CSF2RA: variants seen among roughly 807,000 people sequenced by gnomAD.
The protein encoded by CSF2RA is granulocyte-macrophage colony-stimulating factor receptor subunit alpha.
In CSF2RA, 42 loss-of-function variants were observed where a neutral mutation model predicts 51.6. The ratio of observed to expected loss-of-function variants is 0.81; its 90% CI spans 0.64 to 1.05. The LOEUF is 1.05. Ranked by LOEUF, CSF2RA falls within the 50% of genes least tolerant of loss-of-function variation. The pLI, the probability that CSF2RA is intolerant of heterozygous loss-of-function variation, is 0.00. For synonymous variants in CSF2RA, 222 were observed against 193.0 expected (o/e 1.15, Z -1.24); for missense variants, 530 against 501.1 (o/e 1.06, Z -0.55).
intron 2 of CSF2RA, among the ~76,000 whole-genome samples, chrX:1,280,866 C>CTCA (rs2089841753): frequency 1.4e-5 from 2 of 146,890 alleles, no homozygotes; most frequent in Admixed American, 1.4e-4. Context: ...CCTCCTCCTC[C>CTCA]TCCTCCTTCT....
intron 2 of CSF2RA, among the ~76,000 whole-genome samples, chrX:1,280,928 T>TCTCCTCCTCCTCCTCCTTCTC (rs1328073063): frequency 5.1e-5 from 1 of 19,798 alleles, no homozygotes; most frequent in Non-Finnish European, 9.4e-5. Context: ...TCCTCCTCCT[T>TCTCCTCCTCCTCCTCCTTCTC]CTCCTCCTCC....
At chrX:1,269,636 AG>A (rs56785904) in intron 1 of CSF2RA, among the ~76,000 whole-genome samples, 534 of 42,126 alleles carry the variant, frequency 0.013, 24 homozygotes, top group East Asian at 0.12. Context: ...AAAAAGAAAA[AG>A]AAAAAAAAAG....
intron 2 of CSF2RA, among the ~76,000 whole-genome samples, chrX:1,279,662 A>G (rs2089638333): frequency 6.6e-6 from 1 of 152,050 alleles, no homozygotes; most frequent in South Asian, 2.1e-4. Flanking sequence ...TGTGGGCTAC[A>G]GATGAGTTGG....
intron 12 of CSF2RA, chrX:1,306,057 G>A: frequency 2.4e-6 from 1 of 425,288 alleles, no homozygotes; most frequent in Non-Finnish European, 4.4e-6. Flanking sequence ...ACTCCAGCCT[G>A]GGTGACAGAG....
intron 2 of CSF2RA, among the ~76,000 whole-genome samples, chrX:1,278,203 G>A (rs1345818798): frequency 4.1e-5 from 6 of 147,634 alleles, no homozygotes; most frequent in African/African-American, 1.3e-4. Context: ...GCATGGTGGT[G>A]CGTGCCTGTA....
chrX:1,310,119 C>G (rs151035793), downstream of CSF2RA: 1,107 of 272,886 alleles, frequency 4.1e-3, 16 homozygotes, highest in African/African-American at 0.024. Flanking sequence ...CACTTGAGTT[C>G]AAGCTGACAG....
downstream of CSF2RA, among the ~76,000 whole-genome samples, chrX:1,312,967 G>A (rs1465022113): frequency 1.3e-5 from 2 of 152,092 alleles, no homozygotes; most frequent in Admixed American, 6.6e-5. Flanking sequence ...GAAAAAGCGT[G>A]GAATCCTCTG....
chrX:1,307,523 T>TATACCTTC (rs2083724215), intron 12 of CSF2RA, among the ~76,000 whole-genome samples: 8 of 29,600 alleles, frequency 2.7e-4, no homozygotes, highest in African/African-American at 7.9e-4. Flanking sequence ...TTTAGACCTT[T>TATACCTTC]GACTGATTAG....
rs373446293 is a variant in CSF2RA, at chrX:1,287,886, G to A, written c.220-633G>A. 3.4e-3 allele frequency among the ~76,000 whole-genome samples: 408 copies of A among 120,218 alleles called. 32 individuals are homozygous for A. The highest frequency in any genetic ancestry group is 4.5e-3 in the Non-Finnish European group (259 of 56,940). The allele number at this position is 120,218 out of a possible 152,430, so 78.9% of individuals were successfully genotyped here. On this transcript the variant is annotated intron_variant, in intron 4 of 12. Transcript: ENST00000381529. ...CGAGTAGCAGGGATTACAGGTGCCT[G>A]CCACCACACCTGGCTAATTTTTGTA...
In CSF2RA at chrX:1,300,475, C is replaced by G; in HGVS notation, c.811-16C>G. 6.2e-7 allele frequency: 1 copy of G among 1,613,858 alleles called. No individual in the cohort carries two copies. The highest frequency in any genetic ancestry group is 8.5e-7 in the Non-Finnish European group (1 of 1,179,832). ...ACAGAAGACGCCTATCTCTAACTTT[C>G]TTTTTTCCTCCAAAGATTAATGTTT... On this transcript the variant is annotated splice_polypyrimidine_tract_variant and intron_variant, in intron 9 of 12. Coordinates refer to ENST00000381529, the MANE Select transcript of CSF2RA (RefSeq NM_172245.4).
At chrX:1,293,312 G>A (rs1438706030) in intron 7 of CSF2RA, among the ~76,000 whole-genome samples, 6 of 152,126 alleles carry the variant, frequency 3.9e-5, no homozygotes, top group South Asian at 2.1e-4. Context: ...TCCGCCTCCC[G>A]GGTTCACGCC....
At chrX:1,281,318 C>T (rs1245104579) in intron 2 of CSF2RA, among the ~76,000 whole-genome samples, 2 of 136,160 alleles carry the variant, frequency 1.5e-5, no homozygotes, top group African/African-American at 5.6e-5. Context: ...TCCTTCTCCT[C>T]CTCCTCCTTC....
At chrX:1,300,305 C>T (rs1352948389) in intron 9 of CSF2RA, 186 bp from the exon 10 acceptor site, 9 of 674,724 alleles carry the variant, frequency 1.3e-5, no homozygotes, top group South Asian at 3.9e-5. Flanking sequence ...GAAATACTAA[C>T]GAGGCTTGAC....
At chrX:1,314,433 GC>G (rs1185977604), downstream of CSF2RA, among the ~76,000 whole-genome samples, 1 of 111,174 alleles carries the variant, frequency 9.0e-6, no homozygotes, top group Non-Finnish European at 1.7e-5. Flanking sequence ...CTGCCCAACC[GC>G]ACTGCACTTG....
the CSF2RA span, among the ~76,000 whole-genome samples, chrX:1,315,766 AGATAATAGATAGATAGATAG>A: frequency 7.5e-6 from 1 of 133,810 alleles, no homozygotes. Context: ...TAGATAAAAT[AGATAATAGATAGATAGATAG>A]ATAGATAGAT....
chrX:1,286,815 G>C (rs1401703918), intron 4 of CSF2RA, among the ~76,000 whole-genome samples: 5 of 152,252 alleles, frequency 3.3e-5, no homozygotes, highest in African/African-American at 9.6e-5. Flanking sequence ...CCCTGGGTCT[G>C]TGGTGGAAGC....
At chrX:1,323,626 A>G in the CSF2RA span, among the ~76,000 whole-genome samples, 2 of 151,184 alleles carry the variant, frequency 1.3e-5, no homozygotes, top group African/African-American at 4.9e-5. Flanking sequence ...GCTCACACCT[A>G]CAATCCCAGC....
intron 9 of CSF2RA, among the ~76,000 whole-genome samples, chrX:1,299,849 C>T (rs1193831472): frequency 2.1e-4 from 31 of 151,208 alleles, no homozygotes; most frequent in Admixed American, 9.9e-4. Context: ...ACCCGGGAAG[C>T]GGAGGTTGCG....
the CSF2RA span, among the ~76,000 whole-genome samples, chrX:1,323,938 C>T: frequency 4.0e-5 from 6 of 151,574 alleles, no homozygotes; most frequent in Non-Finnish European, 7.4e-5. Context: ...GGCGTGAACC[C>T]GGGAGGCCGA....
Sources: allele counts gnomAD v4.1 joint callset (sites outside exome capture counted in the v4.1 genomes callset), GRCh38; gene constraint gnomAD v4.1.1; transcripts MANE v1.5; gene names NCBI Gene and HGNC (gene_info 2026-07-23, HGNC 2026-07-21).